Variants in FIRRM observed in about 807,000 individuals in gnomAD.
The protein encoded by FIRRM is FIGNL1-interacting regulator of recombination and mitosis.
the FIRRM span, chr1:169,783,938 A>C: frequency 6.6e-6 from 1 of 152,186 alleles, no homozygotes; most frequent in Non-Finnish European, 1.5e-5. Context: ...GGTGTGTGCC[A>C]CCATGTCCAG....
the FIRRM span, chr1:169,849,851 C>G: frequency 2.0e-6 from 1 of 505,258 alleles, no homozygotes; most frequent in South Asian, 2.4e-5. Flanking sequence ...CCTACTGATA[C>G]AGACAGACAC....
the FIRRM span, among the ~76,000 whole-genome samples, chr1:169,844,555 T>C: frequency 6.6e-6 from 1 of 152,242 alleles, no homozygotes; most frequent in Non-Finnish European, 1.5e-5. Context: ...ATGAAACTAG[T>C]AACAGCTTTG....
chr1:169,823,093 A>G, the FIRRM span, among the ~76,000 whole-genome samples: 2 of 151,916 alleles, frequency 1.3e-5, no homozygotes, highest in Non-Finnish European at 2.9e-5. Flanking sequence ...CTCTACTAAC[A>G]ATACAAAATT....
At chr1:169,828,791 C>T in the FIRRM span, among the ~76,000 whole-genome samples, 1 of 152,168 alleles carries the variant, frequency 6.6e-6, no homozygotes, top group Non-Finnish European at 1.5e-5. Flanking sequence ...AGTGATCTTC[C>T]CGCCTCGGCC....
At chr1:169,808,424 C>T in the FIRRM span, among the ~76,000 whole-genome samples, 58 of 152,036 alleles carry the variant, frequency 3.8e-4, no homozygotes, top group Non-Finnish European at 7.6e-4. Flanking sequence ...ATTGGTATCC[C>T]ATTTATGAAA....
At chr1:169,831,755 G>T in the FIRRM span, among the ~76,000 whole-genome samples, 1 of 152,046 alleles carries the variant, frequency 6.6e-6, no homozygotes, top group Non-Finnish European at 1.5e-5. Context: ...TTTTTTGTTA[G>T]TGGTGGTTTT....
chr1:169,832,527 T>C, the FIRRM span: 4 of 1,557,958 alleles, frequency 2.6e-6, no homozygotes, highest in Non-Finnish European at 3.5e-6. Flanking sequence ...ATATCATCTT[T>C]GTCACTGTCT....
the FIRRM span, chr1:169,830,223 G>A: frequency 6.6e-7 from 1 of 1,504,368 alleles, no homozygotes; most frequent in Non-Finnish European, 9.2e-7. Flanking sequence ...GTGAACTTTA[G>A]TATTTAAATA....
At chr1:169,803,343 T>C in the FIRRM span, 2 of 1,603,036 alleles carry the variant, frequency 1.2e-6, no homozygotes, top group African/African-American at 1.3e-5. Context: ...TTGAATGGTA[T>C]ATAATCAATG....
At chr1:169,818,030 A>T in the FIRRM span, among the ~76,000 whole-genome samples, 1 of 152,288 alleles carries the variant, frequency 6.6e-6, no homozygotes, top group East Asian at 1.9e-4. Flanking sequence ...ATTTAACTTA[A>T]AACAATCCTA....
chr1:169,849,719 G>A, the FIRRM span: 2 of 757,032 alleles, frequency 2.6e-6, no homozygotes, highest in Non-Finnish European at 4.4e-6. Flanking sequence ...TCGGAAAATT[G>A]TCTGAAGGGT....
the FIRRM span, chr1:169,804,323 T>G: frequency 1.9e-6 from 2 of 1,030,716 alleles, no homozygotes; most frequent in Non-Finnish European, 2.6e-6. Flanking sequence ...ATTCATGTTA[T>G]TTTCTTACTA....
the FIRRM span, among the ~76,000 whole-genome samples, chr1:169,790,295 T>C: frequency 6.6e-6 from 1 of 152,036 alleles, no homozygotes; most frequent in Admixed American, 6.5e-5. Context: ...CTCACGATTC[T>C]CTTGTCCCAG....
At chr1:169,815,984 G>T in the FIRRM span, among the ~76,000 whole-genome samples, 1 of 152,124 alleles carries the variant, frequency 6.6e-6, no homozygotes, top group African/African-American at 2.4e-5. Flanking sequence ...GTCAGAAAGT[G>T]TCAGTATGAT....
chr1:169,812,504 G>A, the FIRRM span, among the ~76,000 whole-genome samples: 5 of 152,296 alleles, frequency 3.3e-5, no homozygotes, highest in Admixed American at 6.5e-5. Context: ...TAAGGTCAGT[G>A]TAGAATAAAC....
the FIRRM span, chr1:169,853,833 G>C: frequency 6.4e-7 from 1 of 1,572,960 alleles, no homozygotes; most frequent in Non-Finnish European, 8.7e-7. Flanking sequence ...AAAATCATAC[G>C]CAAATTTGAA....
the FIRRM span, among the ~76,000 whole-genome samples, chr1:169,825,311 C>T: frequency 1.3e-4 from 20 of 152,194 alleles, no homozygotes; most frequent in African/African-American, 4.3e-4. Flanking sequence ...AACTTCTTGT[C>T]TTTCTTTCCT....
At chr1:169,846,230 T>C in the FIRRM span, among the ~76,000 whole-genome samples, 4 of 152,186 alleles carry the variant, frequency 2.6e-5, no homozygotes, top group Admixed American at 6.5e-5. Context: ...AACAGTGATA[T>C]AAACAGGTAT....
At chr1:169,847,749 A>G in the FIRRM span, 1 of 1,613,580 alleles carries the variant, frequency 6.2e-7, no homozygotes, top group Non-Finnish European at 8.5e-7. Context: ...TTCGTTTGGC[A>G]ATGTTGGATT....
Sources: allele counts gnomAD v4.1 joint callset (sites outside exome capture counted in the v4.1 genomes callset), GRCh38; gene constraint gnomAD v4.1.1; transcripts MANE v1.5; gene names NCBI Gene and HGNC (gene_info 2026-07-23, HGNC 2026-07-21).